The following GON4L variants were observed in gnomAD, a reference collection of about 807,000 sequenced individuals.
GON4L encodes GON-4-like protein.
Under a neutral mutation model 211.8 loss-of-function variants are expected in GON4L, and 87 were observed. That is an observed-to-expected ratio of 0.41 (90% CI 0.35 to 0.49). The LOEUF is 0.49. Among genes scored for constraint, GON4L ranks in the 20% least tolerant of loss-of-function variants. The pLI, the probability that GON4L is intolerant of heterozygous loss-of-function variation, is 0.15. For synonymous variants in GON4L, 875 were observed against 962.6 expected (o/e 0.91, Z 1.68); for missense variants, 2,155 against 2,659.5 (o/e 0.81, Z 4.17).
chr1:155,808,073 CTT>C (rs2102116821), intron 10 of GON4L, among the ~76,000 whole-genome samples: 1 of 151,468 alleles, frequency 6.6e-6, no homozygotes, highest in Admixed American at 6.6e-5. Flanking sequence ...GAGTCTCACT[CTT>C]TCCTAGACTG....
At chr1:155,759,537 G>T (rs892411548) in intron 24 of GON4L, among the ~76,000 whole-genome samples, 12 of 151,480 alleles carry the variant, frequency 7.9e-5, no homozygotes, top group African/African-American at 2.9e-4. Flanking sequence ...TCACGCCACT[G>T]CACTCCAGCC....
At chr1:155,838,791 AT>A (rs1275327013) in intron 2 of GON4L, among the ~76,000 whole-genome samples, 3 of 150,244 alleles carry the variant, frequency 2.0e-5, no homozygotes, top group Non-Finnish European at 4.4e-5. Flanking sequence ...AAGAAAAAAA[AT>A]TATAAATAAT....
rs758210568 is a variant in GON4L at position 155,753,328 on chromosome 1, A to G, written c.5718T>C (p.Gly1906=). ...CCTTGCCCTGCCCAGCTTCCTTAGC[A>G]CCAGGCATAGGACTAGCCTCTCGGT... ...SPHREASPMP[G]AKEAGQGKDM... Residue 1906 remains glycine (G), a synonymous_variant, in exon 29 of 32, where the codon GGT becomes GGC. Coordinates refer to ENST00000368331, the MANE Select transcript of GON4L (RefSeq NM_001282860.2). The G allele has an allele frequency of 3.7e-6, 6 of 1,611,546 alleles. No individual in the cohort carries two copies. Among genetic ancestry groups the G allele is most frequent in the Non-Finnish European group, 4.2e-6 (5 of 1,179,178 alleles).
chr1:155,753,667 CTG>C lies in GON4L; in HGVS notation c.5632-255_5632-254del, dbSNP rs1395273118. On this transcript the variant is annotated intron_variant, in intron 28 of 31. Transcript: ENST00000368331. ...TCAGCCTGGGTAACATAGTGAGACT[CTG>C]TCTCAAATGACAAACAAAAAGAAAA... Among the ~76,000 whole-genome samples, 3 of 152,146 alleles carry C rather than the reference CTG, an allele frequency of 2.0e-5. No homozygotes were observed. In the East Asian group the frequency reaches 5.8e-4, roughly 29 times the overall value.
intron 10 of GON4L, among the ~76,000 whole-genome samples, chr1:155,808,049 T>TTATTTA (rs1194560883): frequency 6.6e-6 from 1 of 151,656 alleles, no homozygotes; most frequent in East Asian, 1.9e-4. Flanking sequence ...TTATTTTTTT[T>TTATTTA]TTTTTTTGAG....
intron 19 of GON4L, among the ~76,000 whole-genome samples, chr1:155,769,639 C>T (rs6695119): frequency 0.013 from 1,915 of 152,128 alleles, 18 homozygotes; most frequent in Non-Finnish European, 0.023. Flanking sequence ...CAAGTCCAGC[C>T]CCATCCCCCT....
intron 1 of GON4L, among the ~76,000 whole-genome samples, chr1:155,856,079 G>A (rs1206932528): frequency 1.3e-5 from 2 of 150,480 alleles, no homozygotes; most frequent in African/African-American, 4.9e-5. Flanking sequence ...CCTTGTGTTA[G>A]ATCACTGGCA....
chr1:155,763,420 T>C lies in GON4L; in HGVS notation c.4618A>G (p.Lys1540Glu), dbSNP rs1228873672. 6.3e-7 allele frequency: 1 copy of C among 1,586,668 alleles called. No homozygotes were observed. The highest frequency in any genetic ancestry group is 8.6e-7 in the Non-Finnish European group (1 of 1,166,116). ...EEAEGMESLQ[K>E]EDEMTDEAVG... ...GCTTCATCCGTCATTTCATCCTCTTTCTGCAGGCTTTCCATTCCTTCTGCT... is the reference window on the plus strand; with the variant it reads ...GCTTCATCCGTCATTTCATCCTCTTCCTGCAGGCTTTCCATTCCTTCTGCT... Residue 1540 changes from lysine to glutamate, a missense_variant, in exon 22 of 32, where the codon AAA becomes GAA. This residue lies in a region of GON4L where 455 missense variants were observed against 504.6 expected (regional missense o/e 0.90). Transcript: ENST00000368331.
At chr1:155,838,390 T>C (rs756639764) in intron 2 of GON4L, among the ~76,000 whole-genome samples, 20 of 152,268 alleles carry the variant, frequency 1.3e-4, no homozygotes, top group Non-Finnish European at 2.6e-4. Context: ...AATGCCCATG[T>C]GTTTAAGATT....
chr1:155,840,323 G>C lies in GON4L; in HGVS notation c.505+12953C>G, dbSNP rs1670659402. ...TAAGGAGAGACAATTACACTGCAGA[G>C]AGATTACCACTTTGGGTAAATAAGT... On this transcript the variant is annotated intron_variant, in intron 2 of 31. Transcript: ENST00000368331. Among the ~76,000 whole-genome samples the C allele has an allele frequency of 2.0e-5, 3 of 152,236 alleles. No homozygotes were observed. The South Asian group carries it at 6.2e-4, about 31-fold the overall frequency.
intron 2 of GON4L, among the ~76,000 whole-genome samples, chr1:155,836,302 T>C (rs12727013): frequency 2.1e-5 from 3 of 144,918 alleles, no homozygotes; most frequent in Non-Finnish European, 3.0e-5. Flanking sequence ...CAGGGTGGAG[T>C]GCAGTGGCAC....
chr1:155,772,590 CA>C (rs796482955), intron 18 of GON4L, among the ~76,000 whole-genome samples: 4,215 of 69,736 alleles, frequency 0.06, 67 homozygotes, highest in African/African-American at 0.11. Context: ...CTCATCTCTA[CA>C]AAAAAAAAAA....
intron 2 of GON4L, among the ~76,000 whole-genome samples, chr1:155,838,643 T>G (rs1041099372): frequency 1.3e-5 from 2 of 151,676 alleles, no homozygotes; most frequent in Non-Finnish European, 2.9e-5. Flanking sequence ...GGCGTGGTGG[T>G]GCATGCATCC....
Position 155,750,748 on chromosome 1 carries a change from G to T in GON4L, c.6577-15C>A. ...CGGTGGGAAACCTAAGAAAGGAGGA[G>T]GGCTGTATTCACTGGTCTTTTTTTT... is the stretch of plus-strand genomic sequence containing the variant. On this transcript the variant is annotated splice_polypyrimidine_tract_variant and intron_variant, in intron 31 of 31. Coordinates refer to ENST00000368331, the MANE Select transcript of GON4L (RefSeq NM_001282860.2). 2 of 1,563,730 alleles carry T rather than the reference G, an allele frequency of 1.3e-6. No homozygotes were observed. The highest frequency in any genetic ancestry group is 1.7e-6 in the Non-Finnish European group (2 of 1,154,106).
intron 20 of GON4L, chr1:155,767,215 A>G: frequency 8.2e-7 from 1 of 1,221,690 alleles, no homozygotes; most frequent in Non-Finnish European, 1.1e-6. Context: ...AATTTCCTTT[A>G]GCAAATTATT....
Position 155,760,532 on chromosome 1 carries a change from C to T in GON4L, c.5021G>A (p.Ser1674Asn). ...CCAGTCTTGGAGCAGAATTTGCAGG[C>T]TTTTGTAGAGATCTACAGCCGTCCG... The part of the protein sequence containing the change: ...QRRTAVDLYK[S>N]LQILLQDWPQ... The change falls in exon 24 of 32, where the codon AGC (serine) becomes AAC (asparagine). Residue 1674 changes from serine to asparagine, a missense_variant. By Grantham distance (46) the Ser-to-Asn change is conservative (BLOSUM62 1). Around this residue, in one of 6 missense-constraint regions of GON4L, gnomAD observed 455 missense variants for 504.6 expected, o/e 0.90. Transcript: ENST00000368331. 1 of 1,613,614 alleles carries T rather than the reference C, an allele frequency of 6.2e-7. No individual in the cohort carries two copies. Among genetic ancestry groups the T allele is most frequent in the Non-Finnish European group, 8.5e-7 (1 of 1,179,572 alleles).
Position 155,776,495 on chromosome 1 carries a change from G to C in GON4L, c.2092-14C>G, listed in dbSNP as rs1374076649. 8.3e-6 allele frequency: 13 copies of C among 1,574,816 alleles called. No homozygotes were observed. Among genetic ancestry groups the C allele is most frequent in the Non-Finnish European group, 1.1e-5 (13 of 1,144,646 alleles). On this transcript the variant is annotated splice_polypyrimidine_tract_variant and intron_variant, in intron 15 of 31. Coordinates refer to ENST00000368331, the MANE Select transcript of GON4L (RefSeq NM_001282860.2). ...GAGCTGAACGTGCTGGGGATGGAAA[G>C]AAAATGATGAAGTGACATGTTACCA...
At position 155,752,266 on chromosome 1, in the gene GON4L, G is replaced by C; in HGVS notation, c.6167C>G (p.Ser2056Cys). ...EPPASFLSPV[S>C]SKTRDAGRRH... ...TCTCCCTGCATCTCTGGTCTTTGAG[G>C]AAACAGGACTCAGGAAGGAAGCAGG... Residue 2056 changes from serine (S) to cysteine (C), a missense_variant, in exon 30 of 32, where the codon TCC becomes TGC. By Grantham distance (112) the Ser-to-Cys change is moderately radical. Around this residue, in one of 6 missense-constraint regions of GON4L, gnomAD observed 186 missense variants for 308.1 expected, o/e 0.60. Coordinates refer to ENST00000368331, the MANE Select transcript of GON4L (RefSeq NM_001282860.2). The C allele has an allele frequency of 6.3e-7, 1 of 1,598,064 alleles. No individual in the cohort carries two copies. Among genetic ancestry groups the C allele is most frequent in the East Asian group, 2.2e-5 (1 of 44,780 alleles).
chr1:155,808,925 T>A (rs960274316), intron 10 of GON4L, among the ~76,000 whole-genome samples: 9 of 151,988 alleles, frequency 5.9e-5, no homozygotes, highest in Admixed American at 1.3e-4. Flanking sequence ...TTTTTTAAAA[T>A]TTTTTTTAAA....
Sources: gnomAD v4.1 joint callset for allele counts (sites outside exome capture counted in the v4.1 genomes callset) on GRCh38, gnomAD v4.1.1 for gene constraint, gnomAD v4.1.1 regional missense constraint, MANE v1.5 for transcripts, NCBI Gene and HGNC (gene_info 2026-07-23, HGNC 2026-07-21) for gene names.